CPAMD8: variants seen among roughly 807,000 people sequenced by gnomAD.
CPAMD8 encodes C3 and PZP like alpha-2-macroglobulin domain containing 8.
CPAMD8 carries 146 observed loss-of-function variants against 224.7 expected under a neutral mutation model. The ratio of observed to expected loss-of-function variants is 0.65; its 90% confidence interval spans 0.57 to 0.75. The LOEUF (loss-of-function observed/expected upper bound fraction) is 0.75. Ranked by LOEUF, CPAMD8 falls within the 30% of genes least tolerant of loss-of-function variation. The pLI is 0.00. For synonymous variants in CPAMD8, 966 were observed against 1,044.6 expected (o/e 0.92, Z 1.45); for missense variants, 2,301 against 2,537.5 (o/e 0.91, Z 2.00).
chr19:17,011,328 G>A (rs868079322), intron 5 of CPAMD8, 136 bp downstream of exon 5: 15 of 1,000,130 alleles, frequency 1.5e-5, no homozygotes, highest in Admixed American at 6.8e-5. Flanking sequence ...GGGGTTCTCC[G>A]GGGGACATGA....
intron 3 of CPAMD8, among the ~76,000 whole-genome samples, chr19:17,013,896 C>T (rs2056734418): frequency 6.6e-6 from 1 of 151,506 alleles, no homozygotes; most frequent in African/African-American, 2.4e-5. Context: ...TCCTTCCTTC[C>T]TTCCTTCCTT....
At chr19:16,956,277 G>C (rs2054470089) in intron 19 of CPAMD8, among the ~76,000 whole-genome samples, 2 of 152,066 alleles carry the variant, frequency 1.3e-5, no homozygotes, top group Admixed American at 6.5e-5. Flanking sequence ...GCTCATGCTG[G>C]TCCTTCCTGG....
rs58701504 is a variant in CPAMD8 at position 16,906,394 on chromosome 19, CTT to C, written c.4027+556_4027+557del. ...TCTTTCTTTCTTTCTTTCTTTCTTTCTTTCTTTCTTTCTTTCCTTCCTTCCTT... is the reference window on the plus strand; with the variant it reads ...TCTTTCTTTCTTTCTTTCTTTCTTTCTCTTTCTTTCTTTCCTTCCTTCCTT... On this transcript the variant is annotated intron_variant, in intron 30 of 41. Coordinates refer to ENST00000443236, the MANE Select transcript of CPAMD8 (RefSeq NM_015692.5). Among the ~76,000 whole-genome samples, 160 of 85,192 alleles carry C rather than the reference CTT, an allele frequency of 1.9e-3. 3 individuals are homozygous for C. The highest frequency in any genetic ancestry group is 5.2e-3 in the African/African-American group (137 of 26,450). The allele number at this position is 85,192 out of a possible 152,430, so 55.9% of individuals were successfully genotyped here.
At chr19:16,896,916 T>A (rs2052024193) in intron 39 of CPAMD8, 2 of 365,464 alleles carry the variant, frequency 5.5e-6, no homozygotes, top group Non-Finnish European at 9.7e-6. Context: ...AGACAGGGCG[T>A]CCTGTCTGGG....
At chr19:16,914,535 G>A in intron 28 of CPAMD8, 37 bp from the exon 29 acceptor site, 3 of 1,612,122 alleles carry the variant, frequency 1.9e-6, no homozygotes, top group Non-Finnish European at 2.5e-6. Flanking sequence ...CTAAGCCAAA[G>A]GAGACAGTCC....
intron 10 of CPAMD8, among the ~76,000 whole-genome samples, chr19:16,998,525 T>C (rs2056207046): frequency 1.3e-5 from 2 of 152,084 alleles, no homozygotes; most frequent in Admixed American, 1.3e-4. Context: ...GGGAGCCCAT[T>C]GGAGCAGATG....
intron 30 of CPAMD8, among the ~76,000 whole-genome samples, chr19:16,906,352 T>C (rs577245170): frequency 5.5e-5 from 2 of 36,292 alleles, no homozygotes; most frequent in Admixed American, 3.1e-4. Flanking sequence ...CTTTCTTTCT[T>C]TCTTTCTTTC....
At position 16,902,674 on chromosome 19, in the gene CPAMD8, T is replaced by C. The variant is rs145937344; in HGVS notation, c.4660A>G (p.Lys1554Glu). The part of the protein sequence containing the change: ...PAADQHHQEY[K>E]VMLEVCTRWL... ...CTGGTGCACACCTCCAGCATCACCT[T>C]GTATTCCTGGTGATGCTGATCGGCC... Residue 1554 changes from lysine (K) to glutamate (E), a missense_variant, in exon 35 of 42, where the codon AAG becomes GAG. Around this residue, in one of 4 missense-constraint regions of CPAMD8, gnomAD observed 1,709 missense variants for 1,753.2 expected, o/e 0.97. Coordinates refer to ENST00000443236, the MANE Select transcript of CPAMD8 (RefSeq NM_015692.5). The C allele has an allele frequency of 6.3e-4, 1,007 of 1,608,736 alleles. 17 individuals carry two copies. The East Asian group carries it at 0.019, about 30-fold the overall frequency.
chr19:16,910,173 CT>C (rs758504427), intron 29 of CPAMD8, among the ~76,000 whole-genome samples: 293 of 142,484 alleles, frequency 2.1e-3, no homozygotes, highest in Admixed American at 2.7e-3. Flanking sequence ...GAACCTTTAA[CT>C]TTTTTTTTTT....
chr19:16,896,482 G>C lies in CPAMD8; in HGVS notation c.5249C>G (p.Pro1750Arg), dbSNP rs1025958802. ...GAGGGCGCAGCAGCTGGGAGGCGCGGGCTCCAGGGGCGCGGCCTGGCGGCA... is the reference window on the plus strand; with the variant it reads ...GAGGGCGCAGCAGCTGGGAGGCGCGCGCTCCAGGGGCGCGGCCTGGCGGCA... ...AACRQAAPLE[P>R]APPSCCALEQ... Residue 1750 changes from proline (P) to arginine (R), a missense_variant, in exon 40 of 42, where the codon CCC (proline) becomes CGC (arginine). Around this residue, in one of 4 missense-constraint regions of CPAMD8, gnomAD observed 1,709 missense variants for 1,753.2 expected, o/e 0.97. Transcript: ENST00000443236. 2 of 1,432,052 alleles carry C rather than the reference G, an allele frequency of 1.4e-6. No homozygotes were observed. The highest frequency in any genetic ancestry group is 1.8e-6 in the Non-Finnish European group (2 of 1,102,652). The allele number at this position is 1,432,052 out of a possible 1,614,324, so 88.7% of individuals were successfully genotyped here.
intron 1 of CPAMD8, among the ~76,000 whole-genome samples, chr19:17,025,747 G>A (rs2057064787): frequency 6.6e-6 from 1 of 152,140 alleles, no homozygotes; most frequent in African/African-American, 2.4e-5. Flanking sequence ...AAATTTGTAG[G>A]GTTCCGATTT....
At chr19:16,900,405 C>T (rs922003707) in intron 36 of CPAMD8, among the ~76,000 whole-genome samples, 13 of 152,032 alleles carry the variant, frequency 8.6e-5, no homozygotes, top group Non-Finnish European at 1.9e-4. Flanking sequence ...TGAGACCAGC[C>T]TGACCAACAT....
chr19:16,970,903 C>T lies in CPAMD8; in HGVS notation c.2201G>A (p.Arg734Lys), dbSNP rs748517185. Residue 734 changes from arginine (R) to lysine (K), a missense_variant, in exon 18 of 42, where the codon AGG becomes AAG. Arg to Lys is a conservative substitution (Grantham distance 26). Coordinates refer to ENST00000443236, the MANE Select transcript of CPAMD8 (RefSeq NM_015692.5). Reference sequence around the variant, plus strand: ...TATAAGCCGTTACCTGGGGGGGTGCCTGGAAGGAGCCACTGCCACCAGGCT... The same window carrying T: ...TATAAGCCGTTACCTGGGGGGGTGCTTGGAAGGAGCCACTGCCACCAGGCT... ...TGSLVAVAPS[R>K]HPPRTEKRKR... 42 of 1,613,532 alleles carry T rather than the reference C, an allele frequency of 2.6e-5. No individual in the cohort carries two copies. In the African/African-American group the frequency reaches 4.8e-4, roughly 18 times the overall value.
intron 30 of CPAMD8, among the ~76,000 whole-genome samples, chr19:16,906,351 TTTCTTTCTTTCTTTCTTTC>T (rs1259384695): frequency 8.7e-5 from 3 of 34,398 alleles, no homozygotes; most frequent in African/African-American, 3.4e-4. Context: ...TCTTTCTTTC[TTTCTTTCTTTCTTTCTTTC>T]TTTCTTTCTT....
chr19:17,011,128 G>A (rs1442050573), intron 5 of CPAMD8, among the ~76,000 whole-genome samples: 2 of 152,102 alleles, frequency 1.3e-5, no homozygotes, highest in Admixed American at 6.6e-5. Context: ...CCAGGAAGCA[G>A]AGGTTGTAGT....
At chr19:17,021,383 C>T (rs1190153313) in intron 2 of CPAMD8, among the ~76,000 whole-genome samples, 1 of 152,214 alleles carries the variant, frequency 6.6e-6, no homozygotes, top group Non-Finnish European at 1.5e-5. Context: ...TTTCCACCTT[C>T]TCTGGCCACA....
In CPAMD8 at chr19:16,898,496, G is replaced by A. The variant is rs1301359713; in HGVS notation, c.4849-502C>T. Among the ~76,000 whole-genome samples, 1 of 152,144 alleles carries A rather than the reference G, an allele frequency of 6.6e-6. No homozygotes were observed. ...TTTGTGTGTGTGCACGCATGGCTGA[G>A]CATGTGTGGGTGGGAGTCAGCACAT... is the stretch of plus-strand genomic sequence containing the variant. On this transcript the variant is annotated intron_variant, in intron 37 of 41. Transcript: ENST00000443236. This position sits in a 1 kb window ranked among gnomAD's most constrained non-coding sequence, Gnocchi z 4.2.
At chr19:17,009,969 T>A (rs1268777638) in intron 5 of CPAMD8, among the ~76,000 whole-genome samples, 1 of 152,042 alleles carries the variant, frequency 6.6e-6, no homozygotes, top group Non-Finnish European at 1.5e-5. Context: ...CAGGAGACCA[T>A]CCTACCAAGG....
At chr19:16,914,614 A>G in intron 28 of CPAMD8, 43 bp downstream of exon 28, 1 of 1,613,274 alleles carries the variant, frequency 6.2e-7, no homozygotes, top group Non-Finnish European at 8.5e-7. Flanking sequence ...GGGCTCTGGG[A>G]GGAGGTGAGG....
Sources: gnomAD v4.1 joint callset for allele counts (sites outside exome capture counted in the v4.1 genomes callset) on GRCh38, gnomAD v4.1.1 for gene constraint, gnomAD v4.1.1 regional missense constraint, Gnocchi (gnomAD v3.1) non-coding constraint, MANE v1.5 for transcripts, NCBI Gene and HGNC (gene_info 2026-07-23, HGNC 2026-07-21) for gene names.